DLGAP1: variants seen among roughly 807,000 people sequenced by gnomAD.
DLGAP1 encodes the protein DLG associated protein 1, also known as disks large-associated protein 1.
DLGAP1 carries 11 observed loss-of-function variants against 90.8 expected under a neutral mutation model. That is an observed-to-expected ratio of 0.12 (90% CI 0.08 to 0.20). The LOEUF (loss-of-function observed/expected upper bound fraction) is 0.20, where lower values mean the gene tolerates loss of function less well. DLGAP1 is among the 10% of genes least tolerant of loss of function. DLGAP1 has a pLI of 1.00. For synonymous variants in DLGAP1, 558 were observed against 540.7 expected (o/e 1.03, Z -0.44); for missense variants, 1,050 against 1,333.8 (o/e 0.79, Z 3.31).
chr18:3,741,426 C>T (rs2063039105), intron 6 of DLGAP1, among the ~76,000 whole-genome samples: 1 of 151,914 alleles, frequency 6.6e-6, no homozygotes. Flanking sequence ...TCACTGTCAC[C>T]ACCATCACCA....
chr18:3,742,902 C>T (rs540963315), intron 5 of DLGAP1, among the ~76,000 whole-genome samples: 14 of 152,118 alleles, frequency 9.2e-5, no homozygotes, highest in Admixed American at 2.0e-4. Flanking sequence ...TGTTTGGTAA[C>T]AGTAAGTGGG....
intron 1 of DLGAP1, among the ~76,000 whole-genome samples, chr18:4,266,979 A>T (rs2079145189): frequency 6.6e-6 from 1 of 152,188 alleles, no homozygotes; most frequent in Admixed American, 6.5e-5. Flanking sequence ...TGAGTTTACT[A>T]ATGTGCTCAC....
At chr18:4,219,499 T>C (rs73373076) in intron 1 of DLGAP1, among the ~76,000 whole-genome samples, 3,180 of 152,210 alleles carry the variant, frequency 0.021, 119 homozygotes, top group African/African-American at 0.072. Context: ...TATTTGTTTA[T>C]TTTTTATTTT....
At chr18:4,174,634 T>G (rs2077076830) in intron 1 of DLGAP1, among the ~76,000 whole-genome samples, 1 of 152,150 alleles carries the variant, frequency 6.6e-6, no homozygotes, top group East Asian at 1.9e-4. Context: ...CACCCAACCT[T>G]ATTTTACTTT....
intron 3 of DLGAP1, among the ~76,000 whole-genome samples, chr18:3,935,038 C>G (rs1453879448): frequency 1.3e-5 from 2 of 152,184 alleles, no homozygotes; most frequent in African/African-American, 4.8e-5. Flanking sequence ...AAATCATCCG[C>G]CTAATGAAGT....
At chr18:4,410,232 G>C (rs2082747783) in intron 1 of DLGAP1, among the ~76,000 whole-genome samples, 1 of 152,210 alleles carries the variant, frequency 6.6e-6, no homozygotes, top group South Asian at 2.1e-4. Context: ...GGTGCACCAG[G>C]TTCTCACAAA....
intron 1 of DLGAP1, among the ~76,000 whole-genome samples, chr18:4,368,681 A>C (rs2081839760): frequency 8.5e-6 from 1 of 117,442 alleles, no homozygotes; most frequent in East Asian, 2.6e-4. Context: ...ACACACACAC[A>C]CATCCTATTG....
At chr18:3,862,791 T>C (rs533798970) in intron 4 of DLGAP1, among the ~76,000 whole-genome samples, 1 of 152,310 alleles carries the variant, frequency 6.6e-6, no homozygotes, top group African/African-American at 2.4e-5. Context: ...TTTTTGCAAA[T>C]GAAGAAAAAG....
At chr18:3,588,153 C>T (rs1410703826) in intron 7 of DLGAP1, among the ~76,000 whole-genome samples, 1 of 152,184 alleles carries the variant, frequency 6.6e-6, no homozygotes, top group Non-Finnish European at 1.5e-5. Flanking sequence ...TTGGTATTTA[C>T]ATTTAAGAAG....
chr18:3,845,336 T>C, intron 4 of DLGAP1: 1 of 1,579,352 alleles, frequency 6.3e-7, no homozygotes, highest in African/African-American at 1.3e-5. Flanking sequence ...TTAGCTTCTC[T>C]CTATGATTTG....
chr18:4,273,653 T>C (rs1462246892), intron 1 of DLGAP1, among the ~76,000 whole-genome samples: 2 of 152,192 alleles, frequency 1.3e-5, no homozygotes, highest in Non-Finnish European at 2.9e-5. Flanking sequence ...CAGGCTGGTT[T>C]TAAATTCCTG....
intron 7 of DLGAP1, among the ~76,000 whole-genome samples, chr18:3,600,710 A>AGATC (rs1401236108): frequency 1.0e-5 from 1 of 95,986 alleles, no homozygotes; most frequent in Non-Finnish European, 2.0e-5. Context: ...ATCTATAGCT[A>AGATC]TATAGATATA....
At chr18:4,076,558 C>G (rs1316093390) in intron 2 of DLGAP1, among the ~76,000 whole-genome samples, 1 of 152,116 alleles carries the variant, frequency 6.6e-6, no homozygotes, top group Non-Finnish European at 1.5e-5. Flanking sequence ...ATACTTTAAT[C>G]TCATCATTAT....
intron 1 of DLGAP1, among the ~76,000 whole-genome samples, chr18:4,223,248 C>T (rs1400971167): frequency 1.3e-5 from 2 of 151,970 alleles, no homozygotes; most frequent in Non-Finnish European, 2.9e-5. Flanking sequence ...AATACATTTT[C>T]TTATCTCCAG....
intron 4 of DLGAP1, among the ~76,000 whole-genome samples, chr18:3,848,164 G>C (rs1438286065): frequency 8.7e-5 from 8 of 91,562 alleles, no homozygotes; most frequent in African/African-American, 3.0e-4. Flanking sequence ...AAAAAGCCAA[G>C]GACAGTAAAC....
intron 1 of DLGAP1, among the ~76,000 whole-genome samples, chr18:4,414,422 G>A (rs1480903690): frequency 6.6e-6 from 1 of 152,102 alleles, no homozygotes; most frequent in South Asian, 2.1e-4. Context: ...AATTTGGTCT[G>A]TTATAAGAAT....
rs186525664 is a variant in DLGAP1, at chr18:4,141,293, T to C, written c.-159+9887A>G. Among the ~76,000 whole-genome samples the C allele has an allele frequency of 2.2e-3, 341 of 152,134 alleles. 1 individual carries two copies. The highest frequency in any genetic ancestry group is 3.6e-3 in the Non-Finnish European group (244 of 67,880). ...TGAAAATAAGGTTACAGAGACTAAG[T>C]AGGCACACCAAAGATGGCTAATAAG... On this transcript the variant is annotated intron_variant, in intron 2 of 12. Coordinates refer to ENST00000315677, the MANE Select transcript of DLGAP1 (RefSeq NM_004746.4).
At chr18:4,411,303 T>C (rs2082771845) in intron 1 of DLGAP1, among the ~76,000 whole-genome samples, 1 of 152,214 alleles carries the variant, frequency 6.6e-6, no homozygotes, top group South Asian at 2.1e-4. Flanking sequence ...AGAGAACTGA[T>C]AGCCCCTGGG....
At chr18:3,684,994 A>G (rs1463497967) in intron 7 of DLGAP1, among the ~76,000 whole-genome samples, 4 of 152,236 alleles carry the variant, frequency 2.6e-5, no homozygotes, top group African/African-American at 7.2e-5. Flanking sequence ...AGTAGCCACA[A>G]CTTAATGTTT....
Sources: gnomAD v4.1 joint callset for allele counts (sites outside exome capture counted in the v4.1 genomes callset) on GRCh38, gnomAD v4.1.1 for gene constraint, MANE v1.5 for transcripts, NCBI Gene and HGNC (gene_info 2026-07-23, HGNC 2026-07-21) for gene names.